Variants in OR6N1 observed in about 807,000 individuals in gnomAD.
The protein encoded by OR6N1 is olfactory receptor family 6 subfamily N member 1.
For missense variants in OR6N1, 394 were observed against 371.7 expected (o/e 1.06, Z -0.49); for synonymous variants, 170 against 150.7 (o/e 1.13, Z -0.94).
chr1:158,799,489 T>A, the OR6N1 span, among the ~76,000 whole-genome samples: 1 of 152,284 alleles, frequency 6.6e-6, no homozygotes, highest in East Asian at 1.9e-4. Context: ...TCAGGGATGG[T>A]AAGGAGGGTG....
At chr1:158,837,418 A>G in the OR6N1 span, among the ~76,000 whole-genome samples, 1 of 151,806 alleles carries the variant, frequency 6.6e-6, no homozygotes, top group African/African-American at 2.4e-5. Flanking sequence ...TAATTGTCAT[A>G]TCTTCTAGGT....
chr1:158,782,669 T>C, the OR6N1 span, among the ~76,000 whole-genome samples: 1 of 152,198 alleles, frequency 6.6e-6, no homozygotes, highest in African/African-American at 2.4e-5. Context: ...ATTCCATGAT[T>C]AGGTATCTTA....
chr1:158,836,896 A>T, the OR6N1 span, among the ~76,000 whole-genome samples: 9 of 151,712 alleles, frequency 5.9e-5, no homozygotes, highest in East Asian at 1.7e-3. Context: ...TAATGAAATG[A>T]TATGTTGTGT....
At chr1:158,774,493 G>A (rs1053661696), upstream of OR6N1, 3 of 152,122 alleles carry the variant, frequency 2.0e-5, no homozygotes, top group Non-Finnish European at 4.4e-5. Flanking sequence ...CACTACACAT[G>A]CCCCACATTG....
At chr1:158,773,643 C>T (rs890516572), upstream of OR6N1, among the ~76,000 whole-genome samples, 18 of 152,044 alleles carry the variant, frequency 1.2e-4, no homozygotes, top group African/African-American at 4.3e-4. Context: ...AGACTGTCAG[C>T]AAAAATGATT....
upstream of OR6N1, chr1:158,775,723 A>T (rs1423234606): frequency 6.6e-6 from 1 of 151,908 alleles, no homozygotes; most frequent in Non-Finnish European, 1.5e-5. Flanking sequence ...AAATAAATTG[A>T]TTTAAGAATA....
the OR6N1 span, among the ~76,000 whole-genome samples, chr1:158,828,340 G>A: frequency 1.3e-5 from 2 of 152,196 alleles, no homozygotes; most frequent in African/African-American, 4.8e-5. Context: ...AAGCAAGTTA[G>A]TTACTTCCTA....
At chr1:158,773,745 T>G (rs1031764134), upstream of OR6N1, among the ~76,000 whole-genome samples, 5 of 152,100 alleles carry the variant, frequency 3.3e-5, no homozygotes, top group African/African-American at 1.2e-4. Flanking sequence ...AAGGCCATAG[T>G]CTATCCTAGC....
At chr1:158,806,017 T>G in the OR6N1 span, among the ~76,000 whole-genome samples, 1 of 152,214 alleles carries the variant, frequency 6.6e-6, no homozygotes, top group African/African-American at 2.4e-5. Flanking sequence ...ATTATTACTA[T>G]AATTACCTAT....
chr1:158,784,194 A>G, the OR6N1 span, among the ~76,000 whole-genome samples: 31 of 152,322 alleles, frequency 2.0e-4, no homozygotes, highest in African/African-American at 7.5e-4. Context: ...AGGATAGGCC[A>G]GATTCTTCTG....
rs754017304 is a variant in OR6N1 at position 158,766,699 on chromosome 1, C to T, written c.-17G>A. 2.8e-5 allele frequency: 44 copies of T among 1,580,782 alleles called. No individual in the cohort carries two copies. Among genetic ancestry groups the T allele is most frequent in the Non-Finnish European group, 3.4e-5 (40 of 1,160,136 alleles). ...TGTGTCCATTGCTCACCATTCATGT[C>T]CCTAGATGTGAAGTGTGGAAGGATA... On this transcript the variant is annotated splice_region_variant and 5_prime_UTR_variant, in exon 2 of 2. Transcript: ENST00000641846.
chr1:158,792,161 A>G, the OR6N1 span, among the ~76,000 whole-genome samples: 1 of 151,784 alleles, frequency 6.6e-6, no homozygotes, highest in African/African-American at 2.4e-5. Context: ...CCTTCTTTGT[A>G]TTTTTTTTAC....
chr1:158,774,064 C>T (rs1292874719), upstream of OR6N1, among the ~76,000 whole-genome samples: 1 of 152,190 alleles, frequency 6.6e-6, no homozygotes, highest in Non-Finnish European at 1.5e-5. Flanking sequence ...AAACTATGAG[C>T]AGACTTCAGC....
chr1:158,805,760 G>GA, the OR6N1 span, among the ~76,000 whole-genome samples: 1 of 152,170 alleles, frequency 6.6e-6, no homozygotes, highest in Non-Finnish European at 1.5e-5. Flanking sequence ...GGAGTTTCAA[G>GA]AGGGGAACTC....
In OR6N1 at chr1:158,764,726, C is replaced by T. The variant is rs974357294; in HGVS notation, c.*1018G>A. On this transcript the variant is annotated 3_prime_UTR_variant, in exon 2 of 2. Coordinates refer to ENST00000641846, the MANE Select transcript of OR6N1 (RefSeq NM_001005185.2). Reference sequence around the variant, plus strand: ...CTACATTTTAGAATTATTTTTCACACGTTTCAGGAAATAATTAGCTTACAA... The same window carrying T: ...CTACATTTTAGAATTATTTTTCACATGTTTCAGGAAATAATTAGCTTACAA... 1.4e-4 allele frequency: 22 copies of T among 152,002 alleles called. No homozygotes were observed. Among genetic ancestry groups the T allele is most frequent in the African/African-American group, 3.4e-4 (14 of 41,408 alleles). The allele number at this position is 152,002 out of a possible 1,614,324, so 9.4% of individuals were successfully genotyped here. A position where few individuals can be genotyped will look rare whatever the true frequency, so the allele number is the denominator to read the frequency against.
upstream of OR6N1, chr1:158,776,339 G>A (rs1263827444): frequency 5.7e-6 from 1 of 176,124 alleles, no homozygotes; most frequent in Non-Finnish European, 1.2e-5. Context: ...TTGAGAAGTG[G>A]ATATGAAGTA....
the OR6N1 span, among the ~76,000 whole-genome samples, chr1:158,835,618 G>T: frequency 2.3e-5 from 2 of 88,376 alleles, no homozygotes; most frequent in Non-Finnish European, 4.6e-5. Context: ...TTTTTGGTGG[G>T]GGCGGGGGGT....
chr1:158,779,494 C>T, the OR6N1 span, among the ~76,000 whole-genome samples: 19 of 152,340 alleles, frequency 1.2e-4, no homozygotes, highest in African/African-American at 4.3e-4. Flanking sequence ...CTCTACCACT[C>T]AGCCAATGCC....
At chr1:158,779,018 C>CAA in the OR6N1 span, among the ~76,000 whole-genome samples, 13 of 86,384 alleles carry the variant, frequency 1.5e-4, 2 homozygotes, top group African/African-American at 5.5e-4. Context: ...GACTGCGTCT[C>CAA]AAAAAAAAAA....
Sources: allele counts gnomAD v4.1 joint callset (sites outside exome capture counted in the v4.1 genomes callset), GRCh38; gene constraint gnomAD v4.1.1; transcripts MANE v1.5; gene names NCBI Gene and HGNC (gene_info 2026-07-23, HGNC 2026-07-21).